NOL10: variants seen among roughly 807,000 people sequenced by gnomAD.
NOL10 encodes the protein nucleolar protein 10.
In NOL10, 58 loss-of-function variants were observed where a neutral mutation model predicts 103.5. The observed-to-expected ratio is 0.56, with a 90% CI of 0.45 to 0.70. The LOEUF (loss-of-function observed/expected upper bound fraction) is 0.70. Among genes scored for constraint, NOL10 ranks in the 30% least tolerant of loss-of-function variants. NOL10 has a pLI of 0.00. For synonymous variants in NOL10, 287 were observed against 282.5 expected, an observed-to-expected ratio of 1.02 and a Z score of -0.16; for missense variants, 763 against 807.3, an observed-to-expected ratio of 0.95 and a Z score of 0.67.
rs181866440 is a variant in NOL10, at chr2:10,627,370, T to C, written c.1026+16950A>G. 3.3e-3 allele frequency among the ~76,000 whole-genome samples: 498 copies of C among 152,250 alleles called. 2 individuals are homozygous for C. Among genetic ancestry groups the C allele is most frequent in the African/African-American group, 0.012 (479 of 41,540 alleles). On this transcript the variant is annotated intron_variant, in intron 13 of 20. Coordinates refer to ENST00000381685, the MANE Select transcript of NOL10 (RefSeq NM_024894.4). ...TAAAATTAGGCATTTGTTTCTTTTATCCTATTATGAATCAAGACATCTTAA... is the reference window on the plus strand; with the variant it reads ...TAAAATTAGGCATTTGTTTCTTTTACCCTATTATGAATCAAGACATCTTAA...
At chr2:10,639,941 A>T (rs544645930) in intron 13 of NOL10, among the ~76,000 whole-genome samples, 1 of 152,342 alleles carries the variant, frequency 6.6e-6, no homozygotes, top group South Asian at 2.1e-4. Context: ...GGCTACAGAG[A>T]TATCTAAGTG....
chr2:10,617,807 T>C (rs1676910218), intron 13 of NOL10, among the ~76,000 whole-genome samples: 2 of 152,072 alleles, frequency 1.3e-5, no homozygotes, highest in Admixed American at 1.3e-4. Context: ...TACTGAGACA[T>C]GGTACAACAT....
intron 1 of NOL10, among the ~76,000 whole-genome samples, chr2:10,689,353 G>C (rs1300359811): frequency 2.6e-5 from 4 of 152,224 alleles, no homozygotes; most frequent in Admixed American, 6.5e-5. Flanking sequence ...CAGATGCGAA[G>C]TCTGTATCTC....
chr2:10,673,566 C>T lies in NOL10; in HGVS notation c.290-9G>A, dbSNP rs2148346682. ...AATTTCAAAGGTGACAACTGAAAAACAAGAAATAGGAAAAATACAATTATC... is the reference window on the plus strand; with the variant it reads ...AATTTCAAAGGTGACAACTGAAAAATAAGAAATAGGAAAAATACAATTATC... On this transcript the variant is annotated splice_polypyrimidine_tract_variant and intron_variant, in intron 4 of 20. Coordinates refer to ENST00000381685, the MANE Select transcript of NOL10 (RefSeq NM_024894.4). 6.4e-7 allele frequency: 1 copy of T among 1,562,860 alleles called. No homozygotes were observed. Among genetic ancestry groups the T allele is most frequent in the Non-Finnish European group, 8.7e-7 (1 of 1,143,194 alleles).
At chr2:10,675,922 A>C in intron 3 of NOL10, 51 bp from the exon 4 acceptor site, 2 of 938,874 alleles carry the variant, frequency 2.1e-6, no homozygotes, top group Non-Finnish European at 3.3e-6. Flanking sequence ...TTCATAGTCA[A>C]AACATCCAGA....
chr2:10,588,271 G>A (rs957736971), intron 19 of NOL10, among the ~76,000 whole-genome samples: 3 of 152,090 alleles, frequency 2.0e-5, no homozygotes, highest in African/African-American at 7.2e-5. Context: ...TTTTTAAGTA[G>A]ACAGTTCAGC....
At chr2:10,611,089 A>G (rs990984567) in intron 13 of NOL10, among the ~76,000 whole-genome samples, 159 of 152,346 alleles carry the variant, frequency 1.0e-3, no homozygotes, top group African/African-American at 3.7e-3. Flanking sequence ...TACTGCGCCC[A>G]GCAAATATTT....
intron 14 of NOL10, among the ~76,000 whole-genome samples, chr2:10,603,633 C>T (rs1464878623): frequency 2.6e-5 from 4 of 152,210 alleles, no homozygotes. Flanking sequence ...ATTCCTACCA[C>T]CATATATAAA....
At chr2:10,634,752 G>A (rs1678086372) in intron 13 of NOL10, among the ~76,000 whole-genome samples, 1 of 152,210 alleles carries the variant, frequency 6.6e-6, no homozygotes, top group Admixed American at 6.5e-5. Context: ...TTATCAGCAG[G>A]AGGAGGAGCC....
chr2:10,656,742 C>A (rs1326794288), intron 11 of NOL10, among the ~76,000 whole-genome samples: 1 of 152,296 alleles, frequency 6.6e-6, no homozygotes, highest in South Asian at 2.1e-4. Flanking sequence ...GCCGTCCACC[C>A]GACTTCATCA....
chr2:10,666,172 G>A (rs1316852977), intron 8 of NOL10, among the ~76,000 whole-genome samples: 5 of 152,026 alleles, frequency 3.3e-5, no homozygotes, highest in Admixed American at 2.6e-4. Context: ...ATTCACTTAG[G>A]GTAACAGCCT....
chr2:10,661,753 C>T (rs1680223553), intron 9 of NOL10, among the ~76,000 whole-genome samples: 1 of 152,012 alleles, frequency 6.6e-6, no homozygotes, highest in African/African-American at 2.4e-5. Flanking sequence ...TAATGACAGC[C>T]TGCTTCCCCT....
At chr2:10,648,932 T>C (rs950725573) in intron 12 of NOL10, among the ~76,000 whole-genome samples, 4 of 151,758 alleles carry the variant, frequency 2.6e-5, no homozygotes, top group African/African-American at 9.7e-5. Flanking sequence ...ACAACCTCAG[T>C]TATATCCTGG....
chr2:10,655,877 G>T (rs535029888), intron 11 of NOL10, among the ~76,000 whole-genome samples: 1 of 152,308 alleles, frequency 6.6e-6, no homozygotes, highest in South Asian at 2.1e-4. Flanking sequence ...GAAGAACACG[G>T]CCAAGTCCTA....
intron 13 of NOL10, among the ~76,000 whole-genome samples, chr2:10,640,916 G>A (rs1404956715): frequency 6.6e-6 from 1 of 152,090 alleles, no homozygotes; most frequent in Non-Finnish European, 1.5e-5. Context: ...ACAACTTTGG[G>A]GCTCATGCCT....
chr2:10,659,341 TGG>T (rs35723682), intron 9 of NOL10, 91 bp from the exon 10 acceptor site: 81,277 of 247,450 alleles, frequency 0.33, 10,181 homozygotes, highest in East Asian at 0.46. Flanking sequence ...TCAAATCTAA[TGG>T]GGGGGGGGGG....
intron 13 of NOL10, among the ~76,000 whole-genome samples, chr2:10,617,378 ATC>A (rs567077916): frequency 1.5e-4 from 23 of 152,288 alleles, no homozygotes; most frequent in African/African-American, 3.6e-4. Flanking sequence ...ATTGAAGGAA[ATC>A]TCTGTTTATT....
Position 10,572,032 on chromosome 2 carries a change from C to T in NOL10, c.*39G>A, listed in dbSNP as rs371980513. ...CTAACGATGATCAGTTTGGGGGAGACGTACCCCTCCCTAATCACAGGTAGG... is the reference window on the plus strand; with the variant it reads ...CTAACGATGATCAGTTTGGGGGAGATGTACCCCTCCCTAATCACAGGTAGG... On this transcript the variant is annotated 3_prime_UTR_variant, in exon 21 of 21. Transcript: ENST00000381685. 2.2e-5 allele frequency: 36 copies of T among 1,608,992 alleles called. No individual in the cohort carries two copies. The Middle Eastern group carries it at 8.3e-4, about 37-fold the overall frequency.
At chr2:10,671,756 A>G in intron 5 of NOL10, 66 bp from the exon 6 acceptor site, 1 of 1,269,180 alleles carries the variant, frequency 7.9e-7, no homozygotes, top group South Asian at 1.5e-5. Context: ...CATTATCGCT[A>G]AAAAACTGGC....
Sources: allele counts gnomAD v4.1 joint callset (sites outside exome capture counted in the v4.1 genomes callset), GRCh38; gene constraint gnomAD v4.1.1; transcripts MANE v1.5; gene names NCBI Gene and HGNC (gene_info 2026-07-23, HGNC 2026-07-21).